PDLIM7: variants seen among roughly 807,000 people sequenced by gnomAD.
PDLIM7 encodes PDZ and LIM domain protein 7.
Under a neutral mutation model 53.9 loss-of-function variants are expected in PDLIM7, and 37 were observed. The ratio of observed to expected loss-of-function variants is 0.69; its 90% CI spans 0.53 to 0.90. PDLIM7 has a LOEUF of 0.90. PDLIM7 is among the 40% of genes least tolerant of loss of function. The pLI is 0.00. For synonymous variants in PDLIM7, 300 were observed against 261.3 expected, an observed-to-expected ratio of 1.15 and a Z score of -1.43; for missense variants, 617 against 638.5, an observed-to-expected ratio of 0.97 and a Z score of 0.36.
rs763104430 is a variant in PDLIM7, at chr5:177,489,483, G to A, written c.779C>T (p.Ser260Phe). ...ATPTPLQSRT[S>F]IVQAAAGGVP... ...CCCTCCGGCAGCTGCCTGCACAATG[G>A]AGGTGCGGCTCTGCAGCGGCGTGGG... Residue 260 changes from serine (S) to phenylalanine (F), a missense_variant, in exon 9 of 13, where the codon TCC becomes TTC. By Grantham distance (155) the Ser-to-Phe change is radical (BLOSUM62 -2). Coordinates refer to ENST00000355841, the MANE Select transcript of PDLIM7 (RefSeq NM_005451.5). 19 of 1,607,452 alleles carry A rather than the reference G, an allele frequency of 1.2e-5. No homozygotes were observed. The South Asian group carries it at 2.1e-4, about 18-fold the overall frequency.
intron 2 of PDLIM7, among the ~76,000 whole-genome samples, chr5:177,493,632 G>C (rs1161504465): frequency 6.6e-6 from 1 of 152,210 alleles, no homozygotes; most frequent in East Asian, 1.9e-4. Context: ...CTGGGATTGG[G>C]TATCTCCCAG....
intron 9 of PDLIM7, among the ~76,000 whole-genome samples, chr5:177,488,893 A>G (rs909933189): frequency 4.7e-5 from 7 of 147,464 alleles, no homozygotes; most frequent in Non-Finnish European, 7.4e-5. Flanking sequence ...CTGTTTCAAA[A>G]AAAAAAAAAA....
At chr5:177,496,551 GC>G in intron 1 of PDLIM7, 28 bp from the exon 2 acceptor site, 2 of 1,493,478 alleles carry the variant, frequency 1.3e-6, no homozygotes, top group Non-Finnish European at 1.8e-6. Context: ...AAGGTGAGTG[GC>G]CAGCATGGTG....
At chr5:177,495,704 T>TCC (rs1284230310) in intron 2 of PDLIM7, among the ~76,000 whole-genome samples, 4 of 151,784 alleles carry the variant, frequency 2.6e-5, no homozygotes, top group Non-Finnish European at 5.9e-5. Flanking sequence ...TATAAGGCAA[T>TCC]CCCCCTGCTA....
intron 1 of PDLIM7, chr5:177,496,747 G>A (rs1759094335): frequency 2.8e-6 from 1 of 354,856 alleles, no homozygotes; most frequent in African/African-American, 2.1e-5. Flanking sequence ...CCTTGGGACT[G>A]GAACGGTGAG....
chr5:177,493,143 C>T (rs335431), intron 2 of PDLIM7, among the ~76,000 whole-genome samples: 1 of 151,970 alleles, frequency 6.6e-6, no homozygotes, highest in African/African-American at 2.4e-5. Context: ...GCAGCTTCCT[C>T]CCCGAAACCA....
chr5:177,483,589 C>T lies in PDLIM7; in HGVS notation c.*55G>A, dbSNP rs573696760. 10 of 1,324,708 alleles carry T rather than the reference C, an allele frequency of 7.5e-6. No individual in the cohort carries two copies. Among genetic ancestry groups the T allele is most frequent in the South Asian group, 2.5e-5 (2 of 81,580 alleles). The allele number at this position is 1,324,708 out of a possible 1,614,324, so 82.1% of individuals were successfully genotyped here. ...AGCCCTACCCAGAAATGCAGGGCCA[C>T]GACTCCAGGCCCCTCAGGCTAGGGG... On this transcript the variant is annotated 3_prime_UTR_variant, in exon 13 of 13. Transcript: ENST00000355841.
In PDLIM7 at chr5:177,493,070, T is replaced by C. The variant is rs554864694; in HGVS notation, c.97-393A>G. 3.1e-4 allele frequency: 66 copies of C among 213,998 alleles called. No homozygotes were observed. In the Middle Eastern group the frequency reaches 5.6e-3, roughly 18 times the overall value. 13.3% of individuals were successfully genotyped at this position (213,998 alleles called of 1,614,324 possible). A position where few individuals can be genotyped will look rare whatever the true frequency, so the allele number is the denominator to read the frequency against. On this transcript the variant is annotated intron_variant, in intron 2 of 12. Coordinates refer to ENST00000355841, the MANE Select transcript of PDLIM7 (RefSeq NM_005451.5). ...CAGGAGGACCATTGCCTTTTGAGGC[T>C]CCTGCTGGCCTCCTGCCCAGGCCAC...
At position 177,496,454 on chromosome 5, in the gene PDLIM7, C is replaced by T; in HGVS notation, c.59G>A (p.Gly20Glu). The T allele has an allele frequency of 6.2e-7, 1 of 1,604,702 alleles. No individual in the cohort carries two copies. Among genetic ancestry groups the T allele is most frequent in the Non-Finnish European group, 8.5e-7 (1 of 1,175,474 alleles). ...GPAPWGFRLQ[G>E]GKDFNVPLSI... ...GAGGGGCACATTGAAGTCCTTGCCC[C>T]CTTGCAGCCGGAAGCCCCAAGGTGC... Residue 20 changes from glycine to glutamate, a missense_variant, in exon 2 of 13, where the codon GGG (glycine) becomes GAG (glutamate). Coordinates refer to ENST00000355841, the MANE Select transcript of PDLIM7 (RefSeq NM_005451.5).
At position 177,489,971 on chromosome 5, in the gene PDLIM7, G is replaced by T. The variant is rs755005522; in HGVS notation, c.573-139C>A. On this transcript the variant is annotated intron_variant, in intron 7 of 12. Coordinates refer to ENST00000355841, the MANE Select transcript of PDLIM7 (RefSeq NM_005451.5). ...GAGTTGGATTCCAGGTCCCACTGGG[G>T]TAGGGATGGGAAGGGCAGCTTCTCC... is the stretch of plus-strand genomic sequence containing the variant. 4 of 1,536,012 alleles carry T rather than the reference G, an allele frequency of 2.6e-6. No homozygotes were observed. The Admixed American group carries it at 5.9e-5, about 23-fold the overall frequency.
In PDLIM7 at chr5:177,483,600, C is replaced by T. The variant is rs768892696; in HGVS notation, c.*44G>A. ...GAAATGCAGGGCCACGACTCCAGGC[C>T]CCTCAGGCTAGGGGCCACCGCGGCA... is the stretch of plus-strand genomic sequence containing the variant. On this transcript the variant is annotated 3_prime_UTR_variant, in exon 13 of 13. Transcript: ENST00000355841. 1 of 1,418,950 alleles carries T rather than the reference C, an allele frequency of 7.0e-7. No homozygotes were observed. Among genetic ancestry groups the T allele is most frequent in the East Asian group, 2.3e-5 (1 of 43,178 alleles). 87.9% of individuals were successfully genotyped at this position (1,418,950 alleles called of 1,614,324 possible). A position where few individuals can be genotyped will look rare whatever the true frequency, so the allele number is the denominator to read the frequency against.
rs73349172 is a variant in PDLIM7, at chr5:177,493,229, G to C, written c.97-552C>G. On this transcript the variant is annotated intron_variant, in intron 2 of 12. Coordinates refer to ENST00000355841, the MANE Select transcript of PDLIM7 (RefSeq NM_005451.5). The stretch of plus-strand genomic sequence containing the variant: ...CTATAGGGGTCTGCTGGGACCCTTT[G>C]AGAGCCAGGAACAGGCCCTGTTATC... Among the ~76,000 whole-genome samples, 527 of 152,320 alleles carry C rather than the reference G, an allele frequency of 3.5e-3. 4 individuals carry two copies. Among genetic ancestry groups the C allele is most frequent in the African/African-American group, 8.8e-3 (366 of 41,568 alleles).
At chr5:177,486,994 G>A (rs966211588) in intron 10 of PDLIM7, among the ~76,000 whole-genome samples, 1 of 116,652 alleles carries the variant, frequency 8.6e-6, no homozygotes, top group Non-Finnish European at 1.6e-5. Flanking sequence ...GAAGGCAGTG[G>A]CACAATCTTG....
intron 2 of PDLIM7, among the ~76,000 whole-genome samples, chr5:177,493,384 G>C (rs896640454): frequency 2.4e-4 from 37 of 152,232 alleles, no homozygotes; most frequent in Middle Eastern, 3.2e-3. Flanking sequence ...TCAGGCTCTT[G>C]AGCTGGGAGT....
rs765756211 is a variant in PDLIM7 at position 177,489,773 on chromosome 5, G to A, written c.632C>T (p.Pro211Leu). 14 of 1,558,212 alleles carry A rather than the reference G, an allele frequency of 9.0e-6. No homozygotes were observed. In the South Asian group the frequency reaches 1.4e-4, roughly 16 times the overall value. The change falls in exon 8 of 13, where the codon CCT (proline) becomes CTT (leucine). Residue 211 changes from proline to leucine, a missense_variant and splice_region_variant. By Grantham distance (98) the Pro-to-Leu change is moderately conservative (BLOSUM62 -3). Coordinates refer to ENST00000355841, the MANE Select transcript of PDLIM7 (RefSeq NM_005451.5). The stretch of plus-strand genomic sequence containing the variant: ...GGCCCGAGCCCACTCCCTCTCACCA[G>A]GCCAGGGCTCCTGGGGTGTAGATGA... ...PASSTPQEPW[P>L]GPTAPSPTSR...
At chr5:177,488,331 C>G in intron 9 of PDLIM7, 83 bp from the exon 10 acceptor site, 1 of 1,192,884 alleles carries the variant, frequency 8.4e-7, no homozygotes, top group South Asian at 1.5e-5. Flanking sequence ...TGACCACCCA[C>G]CAGGAGGCCT....
At chr5:177,484,025 T>G in intron 11 of PDLIM7, 43 bp from the exon 12 acceptor site, 1 of 1,613,530 alleles carries the variant, frequency 6.2e-7, no homozygotes, top group Non-Finnish European at 8.5e-7. Context: ...GATTCATGCC[T>G]GCCCCATGCA....
chr5:177,490,239 G>C, intron 7 of PDLIM7: 1 of 1,448,958 alleles, frequency 6.9e-7, no homozygotes, highest in Non-Finnish European at 9.0e-7. Flanking sequence ...AAGACAGGCA[G>C]AGCAAGCAGG....
chr5:177,492,442 GAGA>G lies in PDLIM7; in HGVS notation c.249-10_249-8del. 6.2e-7 allele frequency: 1 copy of G among 1,613,696 alleles called. No homozygotes were observed. The highest frequency in any genetic ancestry group is 1.7e-5 in the Admixed American group (1 of 59,990). ...GCTCTGAACCGGCTGGGCCCTGGAG[GAGA>G]AGGAAAGCGTGACAGCGGGCCGGGC... On this transcript the variant is annotated splice_region_variant and splice_polypyrimidine_tract_variant and intron_variant, in intron 3 of 12. Transcript: ENST00000355841.
Sources: gnomAD v4.1 joint callset for allele counts (sites outside exome capture counted in the v4.1 genomes callset) on GRCh38, gnomAD v4.1.1 for gene constraint, MANE v1.5 for transcripts, NCBI Gene and HGNC (gene_info 2026-07-23, HGNC 2026-07-21) for gene names.